NAV3: variants seen among roughly 807,000 people sequenced by gnomAD.
NAV3 encodes pore membrane and/or filament interacting like protein 1.
A neutral mutation model predicts 244.7 loss-of-function variants in NAV3; 87 were observed. That is an observed-to-expected ratio of 0.36 (90% confidence interval 0.30 to 0.42). The LOEUF is 0.42. NAV3 is among the 20% of genes least tolerant of loss of function. NAV3 has a pLI of 1.00. For missense variants in NAV3, 2,663 were observed against 2,893.3 expected (o/e 0.92, Z 1.83); for synonymous variants, 1,126 against 1,042.2 (o/e 1.08, Z -1.55).
At chr12:77,687,248 A>G (rs1874796785) in intron 2 of NAV3, among the ~76,000 whole-genome samples, 1 of 152,156 alleles carries the variant, frequency 6.6e-6, no homozygotes, top group African/African-American at 2.4e-5. Context: ...TAAAACAGAA[A>G]GTAGCCTGGC....
At chr12:78,011,389 C>A (rs1486869832) in intron 8 of NAV3, among the ~76,000 whole-genome samples, 1 of 151,954 alleles carries the variant, frequency 6.6e-6, no homozygotes, top group Non-Finnish European at 1.5e-5. Flanking sequence ...AGAACAATAT[C>A]ATCAAAAATA....
At chr12:77,593,386 CCTGT>C (rs1463772509) in intron 2 of NAV3, among the ~76,000 whole-genome samples, 1 of 151,062 alleles carries the variant, frequency 6.6e-6, no homozygotes, top group Non-Finnish European at 1.5e-5. Context: ...TTGTTCTCTC[CCTGT>C]CTTTCTCTCT....
rs79852206 is a variant in NAV3, at chr12:77,678,331, A to T, written c.72+106065A>T. ...GAATGGATTGACTGTTGTTTTTTTT[A>T]AATAACTGAAGCTTAAGCACTTAAA... On this transcript the variant is annotated intron_variant, in intron 2 of 8. Coordinates refer to the NAV3 transcript ENST00000550042. Among the ~76,000 whole-genome samples, 160 of 152,248 alleles carry T rather than the reference A, an allele frequency of 1.1e-3. 5 individuals are homozygous for T. The East Asian group carries it at 0.029, about 27-fold the overall frequency.
At chr12:78,132,921 A>G (rs1956224152) in intron 18 of NAV3, among the ~76,000 whole-genome samples, 1 of 152,138 alleles carries the variant, frequency 6.6e-6, no homozygotes, top group African/African-American at 2.4e-5. Context: ...TGTGTAATCA[A>G]TAGTCTTACT....
intron 2 of NAV3, among the ~76,000 whole-genome samples, chr12:77,805,310 A>G (rs1409979244): frequency 6.6e-6 from 1 of 152,204 alleles, no homozygotes; most frequent in Non-Finnish European, 1.5e-5. Context: ...GGTTTGTCAT[A>G]AACAGCTTTT....
chr12:77,752,650 G>T (rs1460146780), intron 2 of NAV3, among the ~76,000 whole-genome samples: 1 of 152,056 alleles, frequency 6.6e-6, no homozygotes, highest in African/African-American at 2.4e-5. Flanking sequence ...ATATGTCTAG[G>T]CAGGTTATTT....
chr12:78,016,917 C>A (rs2127204), intron 8 of NAV3, among the ~76,000 whole-genome samples: 3,702 of 152,056 alleles, frequency 0.024, 147 homozygotes, highest in African/African-American at 0.081. Flanking sequence ...ATTTAACGAC[C>A]GAGTGACTGA....
At chr12:77,797,339 T>C (rs1395288607) in intron 2 of NAV3, among the ~76,000 whole-genome samples, 1 of 152,034 alleles carries the variant, frequency 6.6e-6, no homozygotes, top group Non-Finnish European at 1.5e-5. Context: ...AAAATTTACT[T>C]TCTACATATG....
chr12:78,167,097 G>A (rs1342937598), intron 23 of NAV3, among the ~76,000 whole-genome samples: 1 of 151,520 alleles, frequency 6.6e-6, no homozygotes, highest in Non-Finnish European at 1.5e-5. Context: ...TTTATTTCTT[G>A]GGGGATATTT....
intron 2 of NAV3, among the ~76,000 whole-genome samples, chr12:77,620,894 A>G (rs1298030624): frequency 2.0e-5 from 3 of 152,242 alleles, no homozygotes; most frequent in Non-Finnish European, 4.4e-5. Context: ...AAACTAATAG[A>G]CATAAAGTAT....
At chr12:78,206,633 A>G (rs1239392753) in intron 39 of NAV3, among the ~76,000 whole-genome samples, 1 of 152,036 alleles carries the variant, frequency 6.6e-6, no homozygotes, top group Non-Finnish European at 1.5e-5. Flanking sequence ...CTTGTCTTCT[A>G]GTAGAGGAAA....
At chr12:77,796,991 A>C (rs956883850) in intron 2 of NAV3, among the ~76,000 whole-genome samples, 1 of 152,126 alleles carries the variant, frequency 6.6e-6, no homozygotes, top group Non-Finnish European at 1.5e-5. Flanking sequence ...TGAATTCTCA[A>C]AATCTCTGAG....
chr12:77,676,734 A>G (rs12305521), intron 2 of NAV3, among the ~76,000 whole-genome samples: 13,731 of 152,024 alleles, frequency 0.09, 994 homozygotes, highest in African/African-American at 0.2. Context: ...ATGCATGTGG[A>G]GCTTAAAACC....
chr12:77,987,520 A>G (rs1425082738), intron 5 of NAV3, among the ~76,000 whole-genome samples: 1 of 152,144 alleles, frequency 6.6e-6, no homozygotes, highest in East Asian at 1.9e-4. Flanking sequence ...TGATAATTCT[A>G]TTCTTGGAAC....
At chr12:77,827,208 C>T (rs1214337841), upstream of NAV3, among the ~76,000 whole-genome samples, 2 of 128,030 alleles carry the variant, frequency 1.6e-5, no homozygotes, top group Non-Finnish European at 1.6e-5. Flanking sequence ...GTTACTCCAG[C>T]TTAGGGGATA....
intron 2 of NAV3, among the ~76,000 whole-genome samples, chr12:77,742,788 A>G (rs755165804): frequency 3.0e-4 from 45 of 151,996 alleles, no homozygotes; most frequent in Non-Finnish European, 5.6e-4. Flanking sequence ...TTCTGTTGCT[A>G]TTGGGATTAG....
At chr12:77,938,273 T>A (rs755537030) in intron 1 of NAV3, among the ~76,000 whole-genome samples, 4 of 152,212 alleles carry the variant, frequency 2.6e-5, no homozygotes, top group Non-Finnish European at 5.9e-5. Flanking sequence ...AAAAAATGTA[T>A]GATCATACAA....
chr12:78,138,530 C>T (rs1056953648), intron 19 of NAV3, among the ~76,000 whole-genome samples: 1 of 152,206 alleles, frequency 6.6e-6, no homozygotes, highest in African/African-American at 2.4e-5. Context: ...AACCAAACCA[C>T]TCAGTTCACT....
chr12:78,061,893 C>T (rs904848174), intron 12 of NAV3, among the ~76,000 whole-genome samples: 1 of 151,980 alleles, frequency 6.6e-6, no homozygotes, highest in African/African-American at 2.4e-5. Context: ...AATCCTGGCA[C>T]CTTAAATTTG....
Sources: gnomAD v4.1 joint callset for allele counts (sites outside exome capture counted in the v4.1 genomes callset) on GRCh38, gnomAD v4.1.1 for gene constraint, MANE v1.5 for transcripts, NCBI Gene and HGNC (gene_info 2026-07-23, HGNC 2026-07-21) for gene names.